The following UBE2F variants were observed in gnomAD, a reference collection of about 807,000 sequenced individuals.
The protein encoded by UBE2F is NEDD8-conjugating enzyme UBE2F.
Under a neutral mutation model 29.6 loss-of-function variants are expected in UBE2F, and 5 were observed. The observed-to-expected ratio is 0.17, with a 90% confidence interval of 0.09 to 0.36. The LOEUF is 0.36. UBE2F is among the 10% of genes least tolerant of loss of function. The pLI, the probability that UBE2F is intolerant of heterozygous loss-of-function variation, is 1.00. For synonymous variants in UBE2F, 66 were observed against 81.8 expected (o/e 0.81, Z 1.04); for missense variants, 141 against 228.5 (o/e 0.62, Z 2.47).
intron 8 of UBE2F, among the ~76,000 whole-genome samples, chr2:238,033,199 A>G (rs1305929182): frequency 1.3e-5 from 2 of 152,190 alleles, no homozygotes. Context: ...TTTGTCAGTG[A>G]TGAGCTGCTG....
At chr2:238,003,550 T>G (rs960933253) in intron 4 of UBE2F, 3 of 318,610 alleles carry the variant, frequency 9.4e-6, no homozygotes. Flanking sequence ...TGAATTGTTT[T>G]AAAAACCATT....
At chr2:237,968,055 C>T (rs1419794722) in intron 1 of UBE2F, among the ~76,000 whole-genome samples, 1 of 152,080 alleles carries the variant, frequency 6.6e-6, no homozygotes, top group African/African-American at 2.4e-5. Context: ...GGAAGGAGGG[C>T]ATTCTAGACC....
intron 3 of UBE2F, among the ~76,000 whole-genome samples, chr2:237,991,690 C>G (rs1450334491): frequency 2.1e-5 from 3 of 144,614 alleles, no homozygotes; most frequent in African/African-American, 7.6e-5. Flanking sequence ...GCGACCTCCA[C>G]TTCCTGGATT....
intron 2 of UBE2F, among the ~76,000 whole-genome samples, chr2:237,975,543 A>G (rs2063264304): frequency 6.6e-6 from 1 of 152,262 alleles, no homozygotes; most frequent in Non-Finnish European, 1.5e-5. Flanking sequence ...TGAAGAATCT[A>G]ACAGCAGAAG....
intron 4 of UBE2F, among the ~76,000 whole-genome samples, chr2:237,996,365 G>A (rs1365909259): frequency 6.6e-6 from 1 of 152,012 alleles, no homozygotes; most frequent in African/African-American, 2.4e-5. Flanking sequence ...CATGGGCTTT[G>A]TGGTCCTTGG....
chr2:237,968,738 C>T (rs2063111772), intron 1 of UBE2F: 1 of 555,856 alleles, frequency 1.8e-6, no homozygotes. Context: ...CTAACTGGGC[C>T]AATTACAACT....
chr2:237,990,111 CAAAAAAA>C (rs146262180), intron 3 of UBE2F, among the ~76,000 whole-genome samples: 62 of 84,162 alleles, frequency 7.4e-4, no homozygotes, highest in Non-Finnish European at 9.4e-5. Context: ...GAGACTGTCT[CAAAAAAA>C]AAAAAAAAAA....
intron 2 of UBE2F, among the ~76,000 whole-genome samples, chr2:237,978,413 T>C (rs1254532867): frequency 6.6e-6 from 1 of 152,204 alleles, no homozygotes. Flanking sequence ...CAGTGGTATC[T>C]GCACAACAGA....
chr2:237,977,764 G>A (rs535318200), intron 2 of UBE2F, among the ~76,000 whole-genome samples: 3 of 152,260 alleles, frequency 2.0e-5, no homozygotes, highest in Non-Finnish European at 4.4e-5. Flanking sequence ...TTTGAGAAAA[G>A]TAGAGTGTTG....
chr2:238,041,099 T>C (rs2064828780), intron 9 of UBE2F, among the ~76,000 whole-genome samples, 189 bp from the exon 10 acceptor site: 1 of 152,068 alleles, frequency 6.6e-6, no homozygotes, highest in Non-Finnish European at 1.5e-5. Context: ...CACTGTGTCT[T>C]GCGTGCAGTA....
intron 3 of UBE2F, among the ~76,000 whole-genome samples, chr2:237,992,142 A>G (rs2063605109): frequency 6.6e-6 from 1 of 152,214 alleles, no homozygotes; most frequent in African/African-American, 2.4e-5. Context: ...CTAGGATTAC[A>G]GGCATGAGCC....
intron 7 of UBE2F, among the ~76,000 whole-genome samples, chr2:238,031,473 T>A (rs1243179379): frequency 6.6e-6 from 1 of 152,132 alleles, no homozygotes. Flanking sequence ...TAGGCCTGGC[T>A]CACATCGGAA....
chr2:238,002,237 T>G (rs78511223), intron 4 of UBE2F, among the ~76,000 whole-genome samples: 4 of 151,776 alleles, frequency 2.6e-5, no homozygotes, highest in Non-Finnish European at 4.4e-5. Context: ...GATAATTTTT[T>G]TTTTTTCCTC....
intron 4 of UBE2F, among the ~76,000 whole-genome samples, chr2:237,995,569 A>T (rs2063674255): frequency 1.3e-5 from 2 of 152,108 alleles, no homozygotes; most frequent in Admixed American, 1.3e-4. Context: ...TATTTGGGGG[A>T]TGGAAAGGTA....
At chr2:238,000,512 G>T (rs2063771868) in intron 4 of UBE2F, among the ~76,000 whole-genome samples, 1 of 152,142 alleles carries the variant, frequency 6.6e-6, no homozygotes, top group African/African-American at 2.4e-5. Flanking sequence ...TTGTATTGTT[G>T]AATTGTATTC....
At chr2:238,016,738 C>A in intron 5 of UBE2F, 105 bp downstream of exon 5, 1 of 857,582 alleles carries the variant, frequency 1.2e-6, no homozygotes, top group Non-Finnish European at 1.9e-6. Context: ...CTGCGTGTGT[C>A]CATGTGTGAC....
intron 4 of UBE2F, 68 bp from the exon 5 acceptor site, chr2:238,016,498 T>C: frequency 1.5e-6 from 2 of 1,377,346 alleles, no homozygotes; most frequent in Non-Finnish European, 2.0e-6. Flanking sequence ...TAACAGAGTG[T>C]TTGCTTTTTG....
chr2:238,031,790 G>A (rs1677210718), intron 7 of UBE2F, among the ~76,000 whole-genome samples: 1 of 152,230 alleles, frequency 6.6e-6, no homozygotes, highest in African/African-American at 2.4e-5. Context: ...AGGATGAGGG[G>A]TAATTAACTT....
intron 2 of UBE2F, chr2:237,986,240 C>A: frequency 3.1e-6 from 1 of 323,280 alleles, no homozygotes; most frequent in Non-Finnish European, 6.0e-6. Context: ...GCCTCGACTT[C>A]CCAGGCTCAG....
Sources: allele counts gnomAD v4.1 joint callset (sites outside exome capture counted in the v4.1 genomes callset), GRCh38; gene constraint gnomAD v4.1.1; transcripts MANE v1.5; gene names NCBI Gene and HGNC (gene_info 2026-07-23, HGNC 2026-07-21).